RAD54L2: variants seen among roughly 807,000 people sequenced by gnomAD.
The protein encoded by RAD54L2 is helicase ARIP4.
RAD54L2 carries 27 observed loss-of-function variants against 138.4 expected under a neutral mutation model. The observed-to-expected ratio is 0.20, with a 90% confidence interval of 0.14 to 0.27. The LOEUF (loss-of-function observed/expected upper bound fraction) is 0.27. Among genes scored for constraint, RAD54L2 ranks in the 10% least tolerant of loss-of-function variants. The pLI is 1.00. For missense variants in RAD54L2, 1,396 were observed against 1,890.2 expected (o/e 0.74, Z 4.85); for synonymous variants, 644 against 723.2 (o/e 0.89, Z 1.76).
chr3:51,659,057 C>A (rs1209251833), intron 21 of RAD54L2, among the ~76,000 whole-genome samples: 1 of 148,752 alleles, frequency 6.7e-6, no homozygotes, highest in Non-Finnish European at 1.5e-5. Context: ...CAATAGAGAC[C>A]TTATGGCTTA....
At chr3:51,653,024 T>G (rs1195865980) in intron 19 of RAD54L2, among the ~76,000 whole-genome samples, 1 of 152,140 alleles carries the variant, frequency 6.6e-6, no homozygotes, top group Admixed American at 6.5e-5. Flanking sequence ...TTTTGCAAAC[T>G]ACCCATCTGA....
At chr3:51,607,783 C>T (rs1399315330) in intron 3 of RAD54L2, among the ~76,000 whole-genome samples, 2 of 150,420 alleles carry the variant, frequency 1.3e-5, no homozygotes, top group African/African-American at 4.9e-5. Flanking sequence ...CCCCCACCTC[C>T]CAGATGGGGT....
At chr3:51,642,853 C>T (rs1160085827) in intron 15 of RAD54L2, among the ~76,000 whole-genome samples, 4 of 152,062 alleles carry the variant, frequency 2.6e-5, no homozygotes, top group Admixed American at 2.6e-4. Context: ...ACTGTTTGAA[C>T]TCAGGTTGGA....
intron 2 of RAD54L2, among the ~76,000 whole-genome samples, chr3:51,585,403 G>A (rs1420476214): frequency 6.6e-6 from 1 of 152,076 alleles, no homozygotes; most frequent in East Asian, 1.9e-4. Flanking sequence ...GTGTGTGCTC[G>A]GAGTCTTATG....
At chr3:51,619,622 A>C (rs1296769043) in intron 3 of RAD54L2, among the ~76,000 whole-genome samples, 2 of 152,002 alleles carry the variant, frequency 1.3e-5, no homozygotes. Context: ...CATTATCTCA[A>C]ATACAGTGTC....
chr3:51,586,431 GTTT>G (rs538266040), intron 2 of RAD54L2, among the ~76,000 whole-genome samples: 1 of 134,272 alleles, frequency 7.4e-6, no homozygotes. Flanking sequence ...TGTTGCCTTT[GTTT>G]TTTTTTTTTT....
chr3:51,605,295 G>A (rs1700155463), intron 3 of RAD54L2, among the ~76,000 whole-genome samples: 1 of 151,694 alleles, frequency 6.6e-6, no homozygotes, highest in African/African-American at 2.4e-5. Flanking sequence ...CACCATGTTA[G>A]CCAGGCTGGT....
rs569585550 is a variant in RAD54L2, at chr3:51,641,106, G to C, written c.2232-643G>C. Among the ~76,000 whole-genome samples the C allele has an allele frequency of 2.0e-5, 3 of 150,298 alleles. No homozygotes were observed. The South Asian group carries it at 6.3e-4, about 32-fold the overall frequency. On this transcript the variant is annotated intron_variant, in intron 14 of 22. Coordinates refer to ENST00000684192, the MANE Select transcript of RAD54L2 (RefSeq NM_015106.4). The stretch of plus-strand genomic sequence containing the variant: ...CATCTTCCACTTCCCAGGTTCAAAC[G>C]ATTCTCCTGCTTCAGCCTCCTGAGT...
chr3:51,655,632 G>A (rs1333393625), intron 19 of RAD54L2, among the ~76,000 whole-genome samples: 1 of 152,158 alleles, frequency 6.6e-6, no homozygotes, highest in East Asian at 1.9e-4. Flanking sequence ...ATTGCATCTT[G>A]ACAGCTTCCT....
At chr3:51,552,798 AG>A (rs778184840) in intron 2 of RAD54L2, among the ~76,000 whole-genome samples, 26 of 150,238 alleles carry the variant, frequency 1.7e-4, no homozygotes, top group Non-Finnish European at 2.8e-4. Context: ...GGGCTCAAAC[AG>A]TCCTCCCCAC....
chr3:51,568,222 A>G (rs1357931019), intron 2 of RAD54L2, among the ~76,000 whole-genome samples: 2 of 152,230 alleles, frequency 1.3e-5, no homozygotes, highest in South Asian at 2.1e-4. Flanking sequence ...ATTCAGCTTC[A>G]CTGTTATGTA....
chr3:51,633,526 G>A, intron 7 of RAD54L2, 51 bp from the exon 8 acceptor site: 1 of 1,528,804 alleles, frequency 6.5e-7, no homozygotes, highest in Non-Finnish European at 9.0e-7. Context: ...GTAAAAACTG[G>A]AGCCCTCATC....
chr3:51,572,126 G>A (rs1384193664), intron 2 of RAD54L2, among the ~76,000 whole-genome samples: 1 of 152,074 alleles, frequency 6.6e-6, no homozygotes, highest in Non-Finnish European at 1.5e-5. Flanking sequence ...TACATTCCTT[G>A]TACATATGTA....
At chr3:51,546,094 G>A (rs1379067825) in intron 2 of RAD54L2, among the ~76,000 whole-genome samples, 5 of 151,034 alleles carry the variant, frequency 3.3e-5, no homozygotes, top group African/African-American at 7.3e-5. Context: ...ATGTGCCACC[G>A]CACCTGGCTA....
In RAD54L2 at chr3:51,589,435, T is replaced by C. The variant is rs1699786762; in HGVS notation, c.-54-932T>C. 2.6e-5 allele frequency among the ~76,000 whole-genome samples: 4 copies of C among 152,222 alleles called. No homozygotes were observed. The South Asian group carries it at 8.3e-4, about 32-fold the overall frequency. ...AATAAATAAATAAAATAAAGAGCAC[T>C]TACATTGTCTACAGTCAAAATCATC... On this transcript the variant is annotated intron_variant, in intron 2 of 22. Coordinates refer to ENST00000684192, the MANE Select transcript of RAD54L2 (RefSeq NM_015106.4).
rs1186912358 is a variant in RAD54L2 at position 51,665,594 on chromosome 3, A to T, written c.*2174A>T. The stretch of plus-strand genomic sequence containing the variant: ...TGCAAATTATTTTAATAATTTAAAA[A>T]TAGCAGTTCCAACCAGTGCTTTCTC... On this transcript the variant is annotated 3_prime_UTR_variant, in exon 23 of 23. Coordinates refer to ENST00000684192, the MANE Select transcript of RAD54L2 (RefSeq NM_015106.4). The T allele has an allele frequency of 6.6e-6, 1 of 152,280 alleles. No homozygotes were observed. Among genetic ancestry groups the T allele is most frequent in the Non-Finnish European group, 1.5e-5 (1 of 68,046 alleles). The allele number at this position is 152,280 out of a possible 1,614,324, so 9.4% of individuals were successfully genotyped here.
At chr3:51,540,663 A>G (rs1698527413) in intron 1 of RAD54L2, among the ~76,000 whole-genome samples, 1 of 152,242 alleles carries the variant, frequency 6.6e-6, no homozygotes, top group Non-Finnish European at 1.5e-5. Context: ...GTGCAATGTT[A>G]GGTAATTCTG....
At position 51,638,226 on chromosome 3, in the gene RAD54L2, G is replaced by A. The variant is rs1236771141; in HGVS notation, c.1765G>A (p.Asp589Asn). Residue 589 changes from aspartate to asparagine, a missense_variant, in exon 12 of 23, where the codon GAT (aspartate) becomes AAT (asparagine). By Grantham distance (23) the Asp-to-Asn change is conservative. Transcript: ENST00000684192. The surrounding 1 kb of genome is among the most constrained non-coding windows in gnomAD (Gnocchi z 4.3). ...TGTGCGGCTCTCCAAGATCCAGCGA[G>A]ATTTGTATACACAGTTCATGGATCG... The part of the protein sequence containing the change: ...ILVRLSKIQR[D>N]LYTQFMDRFR... 1 of 1,614,048 alleles carries A rather than the reference G, an allele frequency of 6.2e-7. No homozygotes were observed.
At chr3:51,589,968 C>T (rs571904734) in intron 2 of RAD54L2, among the ~76,000 whole-genome samples, 29 of 152,016 alleles carry the variant, frequency 1.9e-4, no homozygotes, top group South Asian at 1.0e-3. Flanking sequence ...AGAGAAGTTC[C>T]GGGGAATTCA....
Sources: gnomAD v4.1 joint callset for allele counts (sites outside exome capture counted in the v4.1 genomes callset) on GRCh38, gnomAD v4.1.1 for gene constraint, Gnocchi (gnomAD v3.1) non-coding constraint, MANE v1.5 for transcripts, NCBI Gene and HGNC (gene_info 2026-07-23, HGNC 2026-07-21) for gene names.